ERC1: variants seen among roughly 807,000 people sequenced by gnomAD.
ERC1 encodes RAB6 interacting protein 2.
A neutral mutation model predicts 132.0 loss-of-function variants in ERC1; 56 were observed. The observed-to-expected ratio is 0.42, with a 90% CI of 0.34 to 0.53. The LOEUF is 0.53. Ranked by LOEUF, ERC1 falls within the 20% of genes least tolerant of loss-of-function variation. The pLI is 0.03. For missense variants in ERC1, 1,202 were observed against 1,349.9 expected (o/e 0.89, Z 1.72); for synonymous variants, 478 against 476.1 (o/e 1.00, Z -0.05).
chr12:1,327,396 T>C (rs1315898286), intron 15 of ERC1, among the ~76,000 whole-genome samples: 2 of 152,186 alleles, frequency 1.3e-5, no homozygotes, highest in African/African-American at 2.4e-5. Context: ...TAGAGGTCTT[T>C]TATTCCCATG....
chr12:1,478,889 CTGTT>C (rs2094030372), intron 18 of ERC1, among the ~76,000 whole-genome samples: 1 of 151,864 alleles, frequency 6.6e-6, no homozygotes, highest in Admixed American at 6.6e-5. Flanking sequence ...TTTTTGTGTT[CTGTT>C]TAAGAAATCT....
At chr12:1,098,980 T>C (rs546965106) in intron 3 of ERC1, among the ~76,000 whole-genome samples, 27 of 152,280 alleles carry the variant, frequency 1.8e-4, no homozygotes, top group Middle Eastern at 3.4e-3. Context: ...GATGTCCTAA[T>C]AGTCAAGAGA....
chr12:1,293,780 A>G (rs1194301580), intron 15 of ERC1, among the ~76,000 whole-genome samples: 3 of 152,172 alleles, frequency 2.0e-5, no homozygotes, highest in Non-Finnish European at 4.4e-5. Context: ...AAAAATGAAA[A>G]TGCATTCTGA....
chr12:1,354,075 C>T lies in ERC1; in HGVS notation c.2781-17758C>T, dbSNP rs577420075. 2.6e-5 allele frequency among the ~76,000 whole-genome samples: 4 copies of T among 151,288 alleles called. No individual in the cohort carries two copies. In the South Asian group the frequency reaches 8.4e-4, roughly 32 times the overall value. ...GCCTCTTATCTTGGTGGTCTCGTGT[C>T]TTATCTTGGTGGTCTCATGTACTCC... On this transcript the variant is annotated intron_variant, in intron 15 of 18. Transcript: ENST00000360905.
At chr12:1,443,895 A>G (rs575374107) in intron 17 of ERC1, 44 of 152,392 alleles carry the variant, frequency 2.9e-4, no homozygotes, top group African/African-American at 1.0e-3. Flanking sequence ...TGTTACAACT[A>G]AGAATTTCAG....
intron 2 of ERC1, among the ~76,000 whole-genome samples, chr12:1,071,898 T>G (rs920098113): frequency 3.3e-5 from 5 of 151,996 alleles, no homozygotes; most frequent in Non-Finnish European, 7.4e-5. Context: ...GTCAGGAGTT[T>G]GAGACCAGCC....
intron 15 of ERC1, among the ~76,000 whole-genome samples, chr12:1,338,878 G>T (rs1372556262): frequency 6.6e-6 from 1 of 152,106 alleles, no homozygotes; most frequent in Non-Finnish European, 1.5e-5. Flanking sequence ...ATTGGGCAAT[G>T]ACTTTGTTCT....
intron 18 of ERC1, among the ~76,000 whole-genome samples, chr12:1,448,442 G>C (rs568200896): frequency 2.0e-5 from 3 of 152,216 alleles, no homozygotes; most frequent in Non-Finnish European, 4.4e-5. Context: ...AGGAAGTAAT[G>C]TAGGCTGTCT....
At position 1,406,499 on chromosome 12, in the gene ERC1, T is replaced by C. The variant is rs182387077; in HGVS notation, c.2926-1650T>C. On this transcript the variant is annotated intron_variant, in intron 16 of 18. Transcript: ENST00000360905. ...TAGCTGAAATAGAGAAAAAGTAGAA[T>C]AAATCAGAAGAGCATGCCACTTTTT... 8.3e-4 allele frequency among the ~76,000 whole-genome samples: 126 copies of C among 152,296 alleles called. 1 individual carries two copies. Among genetic ancestry groups the C allele is most frequent in the African/African-American group, 2.9e-3 (122 of 41,570 alleles).
chr12:1,388,880 G>A (rs150621752), intron 16 of ERC1, among the ~76,000 whole-genome samples: 57 of 152,280 alleles, frequency 3.7e-4, no homozygotes, highest in African/African-American at 1.2e-3. Flanking sequence ...CACAGTAAAC[G>A]CTTATTTCTT....
chr12:1,144,721 AT>A (rs1443781367), intron 8 of ERC1, among the ~76,000 whole-genome samples: 1 of 148,518 alleles, frequency 6.7e-6, no homozygotes. Flanking sequence ...CTGGTTCCAT[AT>A]TTTTTGGAAT....
upstream of ERC1, chr12:990,684 C>A (rs1046396095): frequency 6.6e-6 from 1 of 152,264 alleles, no homozygotes; most frequent in African/African-American, 2.4e-5. Context: ...GGGCAAAAAA[C>A]CAGCTTTCTT....
intron 15 of ERC1, among the ~76,000 whole-genome samples, chr12:1,304,779 C>CTTTTTTTTTTTTTTTTTT (rs1186965322): frequency 4.3e-5 from 3 of 70,082 alleles, no homozygotes; most frequent in Non-Finnish European, 5.6e-5. Context: ...TGTTGTAACT[C>CTTTTTTTTTTTTTTTTTT]TTTTTTTTTT....
At chr12:1,021,772 G>A (rs1478562617) in intron 1 of ERC1, among the ~76,000 whole-genome samples, 3 of 151,948 alleles carry the variant, frequency 2.0e-5, no homozygotes, top group Non-Finnish European at 4.4e-5. Flanking sequence ...CACTGCCTGT[G>A]TAGCATCCAT....
chr12:1,244,714 A>T (rs1022895471), intron 13 of ERC1: 32 of 359,798 alleles, frequency 8.9e-5, no homozygotes, highest in Middle Eastern at 2.0e-3. Flanking sequence ...TTTATTAGAG[A>T]CGGGGTTTCA....
chr12:1,061,751 T>TAGAA (rs1937973096), intron 2 of ERC1, among the ~76,000 whole-genome samples: 2 of 150,422 alleles, frequency 1.3e-5, no homozygotes, highest in East Asian at 4.1e-4. Flanking sequence ...TGCTTTCTCT[T>TAGAA]TCTCTCTCTC....
intron 1 of ERC1, among the ~76,000 whole-genome samples, chr12:995,555 T>C (rs964275900): frequency 2.6e-5 from 4 of 152,218 alleles, no homozygotes; most frequent in Non-Finnish European, 4.4e-5. Context: ...TTCAGGGTGA[T>C]GTCCAGGAAG....
chr12:1,213,223 A>C (rs1958043319), intron 12 of ERC1, among the ~76,000 whole-genome samples: 1 of 152,188 alleles, frequency 6.6e-6, no homozygotes, highest in African/African-American at 2.4e-5. Context: ...TATTCACATA[A>C]AGAGGGAAAA....
In ERC1 at chr12:1,115,906, A is replaced by C. The variant is rs1242520113; in HGVS notation, c.1442A>C (p.Glu481Ala). ...VKQELSRKDT[E>A]LLALQTKLET... ...CAGGAGCTGTCCAGAAAGGACACAG[A>C]ACTACTCGCCCTGCAGACAAAGCTA... Residue 481 changes from glutamate (E) to alanine (A), a missense_variant, in exon 7 of 19, where the codon GAA becomes GCA. Physicochemically the swap from Glu to Ala is moderately radical, Grantham distance 107. Coordinates refer to ENST00000360905, the MANE Select transcript of ERC1 (RefSeq NM_178040.4). The C allele has an allele frequency of 6.2e-7, 1 of 1,614,142 alleles. No individual in the cohort carries two copies. The highest frequency in any genetic ancestry group is 1.3e-5 in the African/African-American group (1 of 75,056).
Sources: allele counts gnomAD v4.1 joint callset (sites outside exome capture counted in the v4.1 genomes callset), GRCh38; gene constraint gnomAD v4.1.1; transcripts MANE v1.5; gene names NCBI Gene and HGNC (gene_info 2026-07-23, HGNC 2026-07-21).